ENTREP2: variants seen among roughly 807,000 people sequenced by gnomAD.
ENTREP2 encodes the protein endosomal transmembrane epsin interactor 2.
At chr15:29,414,864 T>C in the ENTREP2 span, among the ~76,000 whole-genome samples, 1 of 150,588 alleles carries the variant, frequency 6.6e-6, no homozygotes, top group Non-Finnish European at 1.5e-5. Flanking sequence ...GAGAATACTA[T>C]AAACACCTCT....
the ENTREP2 span, among the ~76,000 whole-genome samples, chr15:29,391,007 C>T: frequency 6.6e-6 from 1 of 152,108 alleles, no homozygotes; most frequent in African/African-American, 2.4e-5. Context: ...TCTTCCAAAC[C>T]TCCTGGACTG....
the ENTREP2 span, among the ~76,000 whole-genome samples, chr15:29,293,400 A>G: frequency 6.7e-6 from 1 of 149,006 alleles, no homozygotes; most frequent in Non-Finnish European, 1.5e-5. Context: ...GGCGCCCGCC[A>G]CCATGCCTGG....
chr15:29,233,258 T>C, the ENTREP2 span, among the ~76,000 whole-genome samples: 1 of 152,200 alleles, frequency 6.6e-6, no homozygotes, highest in African/African-American at 2.4e-5. Flanking sequence ...GGAATTTGGC[T>C]ACCAGATAAG....
the ENTREP2 span, among the ~76,000 whole-genome samples, chr15:29,305,370 T>C: frequency 6.6e-6 from 1 of 152,190 alleles, no homozygotes; most frequent in South Asian, 2.1e-4. Context: ...TTACAGGTTT[T>C]TAAAAGTTCA....
At chr15:29,304,319 C>CTA in the ENTREP2 span, among the ~76,000 whole-genome samples, 36 of 152,208 alleles carry the variant, frequency 2.4e-4, no homozygotes, top group African/African-American at 8.7e-4. Flanking sequence ...AACTCTCCAC[C>CTA]CAAAATTAAG....
At chr15:29,426,550 T>C in the ENTREP2 span, among the ~76,000 whole-genome samples, 2 of 152,340 alleles carry the variant, frequency 1.3e-5, no homozygotes, top group East Asian at 3.9e-4. Flanking sequence ...CCCCATCTTG[T>C]CTCATTCCTC....
the ENTREP2 span, among the ~76,000 whole-genome samples, chr15:29,539,075 G>A: frequency 2.0e-5 from 3 of 152,198 alleles, no homozygotes; most frequent in African/African-American, 7.2e-5. Flanking sequence ...TGGTGAGGGA[G>A]AAACATCGGG....
chr15:29,537,330 C>A, the ENTREP2 span, among the ~76,000 whole-genome samples: 2 of 152,150 alleles, frequency 1.3e-5, no homozygotes, highest in East Asian at 3.9e-4. Context: ...CAGACACAAA[C>A]ACAAATTGCT....
chr15:29,231,886 T>TTTC, the ENTREP2 span, among the ~76,000 whole-genome samples: 1,922 of 113,596 alleles, frequency 0.017, 59 homozygotes, highest in African/African-American at 0.054. Flanking sequence ...TTTTCTTTTC[T>TTTC]TTTCTTTCTT....
At chr15:29,182,510 C>T in the ENTREP2 span, among the ~76,000 whole-genome samples, 1 of 151,912 alleles carries the variant, frequency 6.6e-6, no homozygotes, top group Admixed American at 6.6e-5. Context: ...GTAAGTTGAT[C>T]GAGACTGTAT....
At chr15:29,598,296 G>A in the ENTREP2 span, among the ~76,000 whole-genome samples, 1 of 152,184 alleles carries the variant, frequency 6.6e-6, no homozygotes, top group Non-Finnish European at 1.5e-5. Flanking sequence ...GTAGATGTGT[G>A]GGGGTATGTC....
chr15:29,400,187 A>G, the ENTREP2 span, among the ~76,000 whole-genome samples: 9,744 of 152,302 alleles, frequency 0.064, 387 homozygotes, highest in African/African-American at 0.12. Flanking sequence ...CAACGTTACA[A>G]TGATGGGCAG....
the ENTREP2 span, among the ~76,000 whole-genome samples, chr15:29,388,485 G>A: frequency 6.6e-6 from 1 of 152,184 alleles, no homozygotes; most frequent in Admixed American, 6.5e-5. Context: ...CGGAGAGGAC[G>A]TAGAGAAATA....
At chr15:29,666,869 G>A in the ENTREP2 span, among the ~76,000 whole-genome samples, 94 of 152,292 alleles carry the variant, frequency 6.2e-4, no homozygotes, top group African/African-American at 2.2e-3. Flanking sequence ...GCAGGGCCAC[G>A]CTCTCTCGCT....
At chr15:29,439,610 A>G in the ENTREP2 span, among the ~76,000 whole-genome samples, 2 of 152,116 alleles carry the variant, frequency 1.3e-5, no homozygotes, top group Non-Finnish European at 2.9e-5. Flanking sequence ...GCCCAGATCC[A>G]CTCTAGAATG....
At chr15:29,468,774 T>C in the ENTREP2 span, among the ~76,000 whole-genome samples, 1 of 152,202 alleles carries the variant, frequency 6.6e-6, no homozygotes, top group South Asian at 2.1e-4. Flanking sequence ...TTCTAATCAT[T>C]AGCCAACACA....
the ENTREP2 span, among the ~76,000 whole-genome samples, chr15:29,491,618 C>T: frequency 6.6e-6 from 1 of 152,164 alleles, no homozygotes; most frequent in Non-Finnish European, 1.5e-5. Context: ...AAGTTTCACA[C>T]AGTAGCTATC....
the ENTREP2 span, among the ~76,000 whole-genome samples, chr15:29,409,209 T>C: frequency 2.0e-5 from 3 of 152,364 alleles, no homozygotes; most frequent in East Asian, 3.8e-4. Flanking sequence ...AGGGTTTTAA[T>C]ACAATTATGG....
At chr15:29,253,267 C>T in the ENTREP2 span, among the ~76,000 whole-genome samples, 1 of 152,120 alleles carries the variant, frequency 6.6e-6, no homozygotes, top group African/African-American at 2.4e-5. Flanking sequence ...CCACTTTTTC[C>T]TCTGTGAAAT....
Sources: gnomAD v4.1 joint callset for allele counts (sites outside exome capture counted in the v4.1 genomes callset) on GRCh38, gnomAD v4.1.1 for gene constraint, MANE v1.5 for transcripts, NCBI Gene and HGNC (gene_info 2026-07-23, HGNC 2026-07-21) for gene names.